Variants in COL4A1 observed in about 807,000 individuals in gnomAD.
COL4A1 encodes the protein collagen type IV alpha 1 chain.
COL4A1 carries 40 observed loss-of-function variants against 216.6 expected under a neutral mutation model. That is an observed-to-expected ratio of 0.18 (90% CI 0.14 to 0.24). The LOEUF (loss-of-function observed/expected upper bound fraction) is 0.24. COL4A1 is among the 10% of genes least tolerant of loss of function. COL4A1 has a pLI of 1.00. For synonymous variants in COL4A1, 839 were observed against 810.7 expected (o/e 1.03, Z -0.59); for missense variants, 1,628 against 2,196.8 (o/e 0.74, Z 5.18).
At chr13:110,249,138 C>G (rs1881967320) in intron 1 of COL4A1, among the ~76,000 whole-genome samples, 1 of 152,050 alleles carries the variant, frequency 6.6e-6, no homozygotes, top group African/African-American at 2.4e-5. Context: ...AGAACGGAGG[C>G]ATCTGTCTAT....
chr13:110,185,046 T>C (rs533586534), intron 26 of COL4A1, among the ~76,000 whole-genome samples: 5 of 152,374 alleles, frequency 3.3e-5, no homozygotes, highest in African/African-American at 4.8e-5. Flanking sequence ...AATATGGTTA[T>C]TGACATAATC....
At chr13:110,269,758 C>G (rs1883179648) in intron 1 of COL4A1, among the ~76,000 whole-genome samples, 1 of 151,828 alleles carries the variant, frequency 6.6e-6, no homozygotes, top group Non-Finnish European at 1.5e-5. Flanking sequence ...ACACCATCAA[C>G]CTCAAGAGGC....
chr13:110,208,247 A>G (rs1315801312), intron 12 of COL4A1, among the ~76,000 whole-genome samples: 1 of 152,204 alleles, frequency 6.6e-6, no homozygotes, highest in Non-Finnish European at 1.5e-5. Flanking sequence ...GGATGAAGCC[A>G]CCTGCTGTGT....
rs373690207 is a variant in COL4A1, at chr13:110,209,961, G to C, written c.615+19C>G. ...GTTTTTTAAATGATTGCCTCGGAGAGACAGCCCCCAAAACTTACTGGTGGT... is the reference window on the plus strand; with the variant it reads ...GTTTTTTAAATGATTGCCTCGGAGACACAGCCCCCAAAACTTACTGGTGGT... On this transcript the variant is annotated intron_variant, in intron 10 of 51. Coordinates refer to ENST00000375820, the MANE Select transcript of COL4A1 (RefSeq NM_001845.6). 3.4e-5 allele frequency: 55 copies of C among 1,613,576 alleles called. No homozygotes were observed. The highest frequency in any genetic ancestry group is 4.7e-5 in the Non-Finnish European group (55 of 1,179,628).
intron 1 of COL4A1, among the ~76,000 whole-genome samples, chr13:110,302,956 A>T (rs993796177): frequency 5.9e-5 from 9 of 152,210 alleles, no homozygotes; most frequent in African/African-American, 1.7e-4. Context: ...GGGAACAATT[A>T]TTATAACAAA....
chr13:110,277,194 T>TA (rs1883464524), intron 1 of COL4A1, among the ~76,000 whole-genome samples: 1 of 152,250 alleles, frequency 6.6e-6, no homozygotes, highest in African/African-American at 2.4e-5. Context: ...TTCCAGGGCA[T>TA]AAAAGCACTC....
Position 110,181,325 on chromosome 13 carries a change from G to A in COL4A1, c.2160C>T (p.Gly720=), listed in dbSNP as rs781133776. ...PGTPGRPGFN[G]LPGNPGVQGQ... The stretch of plus-strand genomic sequence containing the variant: ...CCTGCACACCTGGGTTCCCAGGTAA[G>A]CCATTAAATCCCGGGCGACCTGGAG... Residue 720 remains glycine (G), a synonymous_variant, in exon 29 of 52, where the codon GGC becomes GGT. Transcript: ENST00000375820. 150 of 1,613,736 alleles carry A rather than the reference G, an allele frequency of 9.3e-5. No homozygotes were observed. Among genetic ancestry groups the A allele is most frequent in the Middle Eastern group, 8.3e-4 (5 of 6,050 alleles).
intron 22 of COL4A1, among the ~76,000 whole-genome samples, chr13:110,193,814 G>A (rs1254582046): frequency 6.6e-6 from 1 of 152,222 alleles, no homozygotes; most frequent in East Asian, 1.9e-4. Flanking sequence ...GGCAGAGCAG[G>A]AGCCCATCAG....
intron 1 of COL4A1, among the ~76,000 whole-genome samples, chr13:110,267,704 A>G (rs1386662547): frequency 6.6e-6 from 1 of 152,206 alleles, no homozygotes; most frequent in Non-Finnish European, 1.5e-5. Flanking sequence ...GGAGTAGATA[A>G]TAGCTATGAT....
intron 1 of COL4A1, among the ~76,000 whole-genome samples, chr13:110,246,174 A>C (rs1015709629): frequency 2.6e-5 from 4 of 151,950 alleles, no homozygotes; most frequent in African/African-American, 7.3e-5. Context: ...GCTAGCCTTT[A>C]GAATGACAAG....
chr13:110,292,625 G>A (rs886644219), intron 1 of COL4A1, among the ~76,000 whole-genome samples: 8 of 152,204 alleles, frequency 5.3e-5, no homozygotes, highest in African/African-American at 1.9e-4. Flanking sequence ...GTCTTACATG[G>A]TAGCAGGAGA....
chr13:110,225,791 T>C (rs1052620253), intron 2 of COL4A1, among the ~76,000 whole-genome samples: 1 of 152,170 alleles, frequency 6.6e-6, no homozygotes, highest in Non-Finnish European at 1.5e-5. Flanking sequence ...ACTGCATGGA[T>C]GGGCAAAGAA....
intron 1 of COL4A1, among the ~76,000 whole-genome samples, chr13:110,257,623 C>CT (rs1361077712): frequency 6.6e-6 from 1 of 152,170 alleles, no homozygotes; most frequent in Non-Finnish European, 1.5e-5. Flanking sequence ...CTCCAGGACC[C>CT]TGTGAGACAC....
intron 2 of COL4A1, among the ~76,000 whole-genome samples, chr13:110,231,439 C>T (rs1213700495): frequency 6.6e-6 from 1 of 152,218 alleles, no homozygotes; most frequent in East Asian, 1.9e-4. Context: ...GCTGCCTGAG[C>T]TTTTGGGGCC....
intron 2 of COL4A1, among the ~76,000 whole-genome samples, chr13:110,240,090 C>T (rs1032186017): frequency 1.3e-5 from 2 of 152,114 alleles, no homozygotes; most frequent in Non-Finnish European, 2.9e-5. Context: ...TTGTCCTAGG[C>T]CTAGACTTCA....
Position 110,189,113 on chromosome 13 carries a change from G to C in COL4A1, c.1537-1784C>G, listed in dbSNP as rs141776575. Among the ~76,000 whole-genome samples, 8 of 152,298 alleles carry C rather than the reference G, an allele frequency of 5.3e-5. No individual in the cohort carries two copies. In the East Asian group the frequency reaches 1.5e-3, roughly 29 times the overall value. On this transcript the variant is annotated intron_variant, in intron 24 of 51. Transcript: ENST00000375820. ...ATTTTCGCTCTTGTTGCCCAGGCTG[G>C]AGTGCAATGGCGCCATCTCGGCTCA...
At chr13:110,178,378 G>A in intron 31 of COL4A1, 147 bp from the exon 32 acceptor site, 6 of 938,680 alleles carry the variant, frequency 6.4e-6, no homozygotes, top group Non-Finnish European at 9.9e-6. Context: ...GTTAGGTGTT[G>A]GTGTTTGGGG....
Position 110,211,927 on chromosome 13 carries a change from G to A in COL4A1, c.388-5C>T, listed in dbSNP as rs751439804. The A allele has an allele frequency of 3.1e-6, 5 of 1,614,110 alleles. No homozygotes were observed. The highest frequency in any genetic ancestry group is 4.2e-6 in the Non-Finnish European group (5 of 1,179,980). ...CCCGAGCGGCCCTCTCTCCCCCTGG[G>A]GAGACAGCAGAGCATCATTCATACG... On this transcript the variant is annotated splice_polypyrimidine_tract_variant and splice_region_variant and intron_variant, in intron 6 of 51. Coordinates refer to ENST00000375820, the MANE Select transcript of COL4A1 (RefSeq NM_001845.6). The surrounding 1 kb of genome is among the most constrained non-coding windows in gnomAD (Gnocchi z 4.3).
chr13:110,156,317 G>A (rs1322683042), intron 49 of COL4A1, among the ~76,000 whole-genome samples: 5 of 152,248 alleles, frequency 3.3e-5, no homozygotes, highest in African/African-American at 9.6e-5. Context: ...CTTCTGGAAT[G>A]CAACAGTTTG....
Sources: allele counts gnomAD v4.1 joint callset (sites outside exome capture counted in the v4.1 genomes callset), GRCh38; gene constraint gnomAD v4.1.1; non-coding constraint Gnocchi (gnomAD v3.1); transcripts MANE v1.5; gene names NCBI Gene and HGNC (gene_info 2026-07-23, HGNC 2026-07-21).